The following PARP8 variants were observed in gnomAD, a reference collection of about 807,000 sequenced individuals.
The protein encoded by PARP8 is poly(ADP-ribose) polymerase family member 8.
In PARP8, 51 loss-of-function variants were observed where a neutral mutation model predicts 124.1. The ratio of observed to expected loss-of-function variants is 0.41; its 90% CI spans 0.33 to 0.52. The LOEUF (loss-of-function observed/expected upper bound fraction) is 0.52. Ranked by LOEUF, PARP8 falls within the 20% of genes least tolerant of loss-of-function variation. The probability of loss-of-function intolerance (pLI) is 0.21; values close to 1 mark genes in which losing one functional copy is unlikely to be tolerated. For synonymous variants in PARP8, 391 were observed against 361.5 expected, an observed-to-expected ratio of 1.08 and a Z score of -0.93; for missense variants, 860 against 1,018.9, an observed-to-expected ratio of 0.84 and a Z score of 2.12.
intron 2 of PARP8, among the ~76,000 whole-genome samples, chr5:50,691,130 T>A (rs1374974331): frequency 6.6e-6 from 1 of 152,312 alleles, no homozygotes; most frequent in East Asian, 1.9e-4. Context: ...TACCTTTCAC[T>A]TACCTTTTTC....
At chr5:50,707,072 G>A (rs541908215) in intron 2 of PARP8, among the ~76,000 whole-genome samples, 2 of 152,084 alleles carry the variant, frequency 1.3e-5, no homozygotes, top group South Asian at 2.1e-4. Context: ...TATTTATGTA[G>A]CTCACTAAAT....
At chr5:50,768,220 TGTGA>T (rs1467129825) in intron 7 of PARP8, among the ~76,000 whole-genome samples, 1 of 152,186 alleles carries the variant, frequency 6.6e-6, no homozygotes, top group Non-Finnish European at 1.5e-5. Flanking sequence ...TAAGTGTGTA[TGTGA>T]GTGTCTCACG....
At chr5:50,691,392 G>A (rs1019591735) in intron 2 of PARP8, among the ~76,000 whole-genome samples, 9 of 152,158 alleles carry the variant, frequency 5.9e-5, no homozygotes, top group Non-Finnish European at 1.2e-4. Context: ...CTCCTTAGAC[G>A]GGGTTAATCA....
chr5:50,747,778 T>TC (rs1251419612), intron 2 of PARP8, among the ~76,000 whole-genome samples: 1 of 127,974 alleles, frequency 7.8e-6, no homozygotes, highest in Non-Finnish European at 1.6e-5. Context: ...TTTTTTTTTT[T>TC]TTTTTTTTTT....
At chr5:50,697,418 A>T (rs1021781389) in intron 2 of PARP8, among the ~76,000 whole-genome samples, 1 of 152,256 alleles carries the variant, frequency 6.6e-6, no homozygotes, top group African/African-American at 2.4e-5. Context: ...GATTTTAAAG[A>T]AGAAAATCAG....
rs1398082040 is a variant in PARP8, at chr5:50,846,340, A to C, written c.*4272A>C. On this transcript the variant is annotated 3_prime_UTR_variant, in exon 26 of 26. Transcript: ENST00000281631. ...CTTAGAATTATTATAAATATTTAACAATATGTACATAATGTAAATACTGCC... is the reference window on the plus strand; with the variant it reads ...CTTAGAATTATTATAAATATTTAACCATATGTACATAATGTAAATACTGCC... The C allele has an allele frequency of 2.6e-5, 4 of 151,778 alleles. No individual in the cohort carries two copies. Among genetic ancestry groups the C allele is most frequent in the Non-Finnish European group, 4.4e-5 (3 of 67,800 alleles). 9.4% of individuals were successfully genotyped at this position (151,778 alleles called of 1,614,324 possible). A position where few individuals can be genotyped will look rare whatever the true frequency, so the allele number is the denominator to read the frequency against.
At chr5:50,801,809 C>T (rs1350788385) in intron 14 of PARP8, among the ~76,000 whole-genome samples, 1 of 152,222 alleles carries the variant, frequency 6.6e-6, no homozygotes, top group East Asian at 1.9e-4. Flanking sequence ...TTGCTGGATA[C>T]GTATATGTTT....
rs371593870 is a variant in PARP8 at position 50,750,157 on chromosome 5, C to T, written c.153C>T (p.Ser51=). ...FTYVGGPRSV[S]YSVHVSEDYP... is the part of the protein sequence containing the mutation. Reference sequence around the variant, plus strand: ...TGTTTGTTTGTTTTAACAGTGTATCCTACTCAGTACATGTATCTGAAGATT... The same window carrying T: ...TGTTTGTTTGTTTTAACAGTGTATCTTACTCAGTACATGTATCTGAAGATT... The change falls in exon 3 of 26, where the codon TCC becomes TCT. Residue 51 remains serine, a synonymous_variant. Coordinates refer to ENST00000281631, the MANE Select transcript of PARP8 (RefSeq NM_024615.4). 1.6e-5 allele frequency: 26 copies of T among 1,587,794 alleles called. No homozygotes were observed. In the African/African-American group the frequency reaches 2.7e-4, roughly 16 times the overall value.
intron 7 of PARP8, among the ~76,000 whole-genome samples, chr5:50,766,932 C>T (rs1434781523): frequency 2.0e-5 from 3 of 152,186 alleles, no homozygotes; most frequent in Non-Finnish European, 4.4e-5. Flanking sequence ...CTCTGGATTT[C>T]TGAATTCTCA....
intron 9 of PARP8, among the ~76,000 whole-genome samples, chr5:50,782,846 A>C (rs2149620334): frequency 6.6e-6 from 1 of 152,312 alleles, no homozygotes; most frequent in East Asian, 1.9e-4. Context: ...CCAGTGGCTA[A>C]AAAGTTGGGA....
At chr5:50,832,642 G>A in intron 22 of PARP8, 139 bp from the exon 23 acceptor site, 1 of 720,236 alleles carries the variant, frequency 1.4e-6, no homozygotes, top group Non-Finnish European at 2.3e-6. Flanking sequence ...GGGGCTAAGG[G>A]CACAGCCCTT....
rs2149508602 is a variant in PARP8, at chr5:50,724,310, G to A, written c.147-25841G>A. On this transcript the variant is annotated intron_variant, in intron 2 of 25. Transcript: ENST00000281631. ...TACTTTTACCTACCTCATTAAGCAT[G>A]CAAATTGCTAAGTTTTCAGTAGATG... 1.3e-5 allele frequency among the ~76,000 whole-genome samples: 2 copies of A among 152,130 alleles called. 1 individual carries two copies. Among genetic ancestry groups the A allele is most frequent in the South Asian group, 4.1e-4 (2 of 4,828 alleles).
At chr5:50,817,459 A>G (rs1030365355) in intron 15 of PARP8, among the ~76,000 whole-genome samples, 11 of 152,194 alleles carry the variant, frequency 7.2e-5, no homozygotes, top group African/African-American at 2.7e-4. Context: ...AAACCACCTC[A>G]GGATCTCATT....
At chr5:50,733,022 C>A (rs1004622935) in intron 2 of PARP8, among the ~76,000 whole-genome samples, 5 of 151,644 alleles carry the variant, frequency 3.3e-5, no homozygotes, top group Non-Finnish European at 7.4e-5. Context: ...GGGTGAAAGG[C>A]CGGGCGCGGT....
intron 10 of PARP8, among the ~76,000 whole-genome samples, chr5:50,791,808 AT>A (rs1355480236): frequency 6.6e-6 from 1 of 152,180 alleles, no homozygotes. Flanking sequence ...TTAGGTATAA[AT>A]TTTTTGTATG....
At chr5:50,671,494 T>A (rs878938402) in intron 2 of PARP8, among the ~76,000 whole-genome samples, 1 of 87,766 alleles carries the variant, frequency 1.1e-5, no homozygotes, top group African/African-American at 4.7e-5. Flanking sequence ...CAAATAAGAA[T>A]TGTGTTTTGT....
intron 2 of PARP8, among the ~76,000 whole-genome samples, chr5:50,681,304 T>C (rs533696101): frequency 6.6e-6 from 1 of 152,228 alleles, no homozygotes; most frequent in East Asian, 1.9e-4. Flanking sequence ...TTTGGCCTTG[T>C]TTTGTTTTTT....
Position 50,699,210 on chromosome 5 carries a change from G to A in PARP8, c.146+31085G>A, listed in dbSNP as rs184426125. ...GCCTTATATAGATAGCTTTGAGTAA[G>A]TGTGTGTTAAATGACTGCCCAAGTG... On this transcript the variant is annotated intron_variant, in intron 2 of 25. Transcript: ENST00000281631. Among the ~76,000 whole-genome samples the A allele has an allele frequency of 1.4e-4, 21 of 152,268 alleles. 1 individual carries two copies. The highest frequency in any genetic ancestry group is 1.2e-3 in the Admixed American group (18 of 15,292).
At chr5:50,691,778 C>T (rs1211329861) in intron 2 of PARP8, among the ~76,000 whole-genome samples, 2 of 152,108 alleles carry the variant, frequency 1.3e-5, no homozygotes, top group South Asian at 2.1e-4. Context: ...AAATGAAACT[C>T]GTCATCTACT....
Sources: allele counts gnomAD v4.1 joint callset (sites outside exome capture counted in the v4.1 genomes callset), GRCh38; gene constraint gnomAD v4.1.1; transcripts MANE v1.5; gene names NCBI Gene and HGNC (gene_info 2026-07-23, HGNC 2026-07-21).